Variants in TTC34 observed in about 807,000 individuals in gnomAD.
TTC34 encodes tetratricopeptide repeat domain 34, also known as tetratricopeptide repeat protein 34.
In TTC34, 44 loss-of-function variants were observed where a neutral mutation model predicts 40.7. The ratio of observed to expected loss-of-function variants is 1.08; its 90% CI spans 0.85 to 1.39. The LOEUF (loss-of-function observed/expected upper bound fraction) is 1.39, where lower values mean the gene tolerates loss of function less well. Ranked by LOEUF, TTC34 falls within the 40% of genes most tolerant of loss-of-function variation. The pLI, the probability that TTC34 is intolerant of heterozygous loss-of-function variation, is 0.00. For missense variants in TTC34, 884 were observed against 838.0 expected (o/e 1.05, Z -0.68); for synonymous variants, 422 against 398.6 (o/e 1.06, Z -0.70).
At chr1:2,672,468 C>CA in intron 6 of TTC34, among the ~76,000 whole-genome samples, 1 of 78,666 alleles carries the variant, frequency 1.3e-5, no homozygotes, top group Admixed American at 1.1e-4. Flanking sequence ...GGAGCAGCGC[C>CA]CACAGCCCCA....
intron 8 of TTC34, among the ~76,000 whole-genome samples, chr1:2,642,956 G>A (rs964007861): frequency 6.6e-6 from 1 of 152,348 alleles, no homozygotes; most frequent in Non-Finnish European, 1.5e-5. Flanking sequence ...CTCGCCTGCG[G>A]TGCGGCCCGC....
At chr1:2,683,680 G>T (rs1232231336) in intron 6 of TTC34, among the ~76,000 whole-genome samples, 1 of 146,702 alleles carries the variant, frequency 6.8e-6, no homozygotes, top group African/African-American at 2.6e-5. Flanking sequence ...GCACCCCCAG[G>T]TGACGATCTG....
chr1:2,677,833 T>C (rs1214558568), intron 6 of TTC34, among the ~76,000 whole-genome samples: 4 of 21,706 alleles, frequency 1.8e-4, no homozygotes, highest in African/African-American at 5.8e-4. Flanking sequence ...CATCTGATGG[T>C]CTGGAGCAGC....
At chr1:2,686,322 T>G (rs61763550) in intron 6 of TTC34, among the ~76,000 whole-genome samples, 47 of 112,168 alleles carry the variant, frequency 4.2e-4, no homozygotes, top group African/African-American at 1.2e-3. Flanking sequence ...CACCCACACC[T>G]CCAGGCGAGC....
chr1:2,684,930 A>G (rs1019604198), intron 6 of TTC34, among the ~76,000 whole-genome samples: 1 of 137,044 alleles, frequency 7.3e-6, no homozygotes, highest in Non-Finnish European at 1.5e-5. Context: ...CCAGGTGAGC[A>G]TCCGACAGCC....
intron 6 of TTC34, among the ~76,000 whole-genome samples, chr1:2,685,780 C>G (rs1570812030): frequency 1.4e-5 from 2 of 139,822 alleles, no homozygotes; most frequent in African/African-American, 2.8e-5. Context: ...CATCTGACAG[C>G]CTGGAACAGA....
intron 6 of TTC34, among the ~76,000 whole-genome samples, chr1:2,671,662 CGCCCACA>C (rs1639705073): frequency 6.7e-6 from 1 of 148,634 alleles, no homozygotes; most frequent in Non-Finnish European, 1.5e-5. Flanking sequence ...TCTGGAGCAG[CGCCCACA>C]ACCCCAGGCG....
At chr1:2,653,649 C>A (rs1351841957) in intron 6 of TTC34, among the ~76,000 whole-genome samples, 24 of 64,676 alleles carry the variant, frequency 3.7e-4, no homozygotes, top group Admixed American at 1.9e-3. Flanking sequence ...AGCATCCACA[C>A]CCCCAGGCGA....
intron 6 of TTC34, among the ~76,000 whole-genome samples, chr1:2,686,029 A>G (rs1258760629): frequency 1.6e-4 from 17 of 108,490 alleles, no homozygotes; most frequent in Non-Finnish European, 2.3e-4. Context: ...AGCCTGGAAC[A>G]GCACCCTGCA....
At chr1:2,685,841 C>G (rs1388713651) in intron 6 of TTC34, among the ~76,000 whole-genome samples, 1 of 132,818 alleles carries the variant, frequency 7.5e-6, no homozygotes, top group Non-Finnish European at 1.6e-5. Context: ...ACCCCCATGC[C>G]CAGGTGAGCC....
chr1:2,758,276 C>T (rs1299888773), intron 6 of TTC34, among the ~76,000 whole-genome samples: 1 of 130,388 alleles, frequency 7.7e-6, no homozygotes, highest in Non-Finnish European at 1.6e-5. Context: ...CACACACACC[C>T]CCAGGCGAGC....
At chr1:2,781,711 G>A (rs1339674881) in intron 6 of TTC34, among the ~76,000 whole-genome samples, 1 of 152,114 alleles carries the variant, frequency 6.6e-6, no homozygotes, top group Non-Finnish European at 1.5e-5. Flanking sequence ...CTAGTTTGTT[G>A]AGTATTCTTA....
rs1368451484 is a variant in TTC34 at position 2,750,094 on chromosome 1, G to A, written c.2226+33515C>T. On this transcript the variant is annotated intron_variant, in intron 6 of 8. Transcript: ENST00000401095. ...GGAGCAGCAGGCACACCCCCAGTGA[G>A]CATCTGACAGCCTGGAACAGCACCC... 3.5e-3 allele frequency among the ~76,000 whole-genome samples: 210 copies of A among 59,252 alleles called. 2 individuals are homozygous for A. Among genetic ancestry groups the A allele is most frequent in the African/African-American group, 9.0e-3 (90 of 9,974 alleles). 38.9% of individuals were successfully genotyped at this position (59,252 alleles called of 152,430 possible).
At chr1:2,695,736 T>TGG (rs1640832502) in intron 6 of TTC34, among the ~76,000 whole-genome samples, 1 of 13,892 alleles carries the variant, frequency 7.2e-5, no homozygotes, top group African/African-American at 2.8e-4. Context: ...GCAGCTGAAA[T>TGG]CCTGGAACAG....
At chr1:2,651,842 C>G (rs1284359573) in intron 6 of TTC34, among the ~76,000 whole-genome samples, 1 of 152,066 alleles carries the variant, frequency 6.6e-6, no homozygotes, top group Non-Finnish European at 1.5e-5. Flanking sequence ...ACGGTACCAC[C>G]AATTAGGTGA....
In TTC34 at chr1:2,700,067, A is replaced by T. The variant is rs1025791806; in HGVS notation, c.2227-54504T>A. 3.5e-5 allele frequency among the ~76,000 whole-genome samples: 3 copies of T among 85,694 alleles called. 1 individual carries two copies. Among genetic ancestry groups the T allele is most frequent in the Non-Finnish European group, 8.0e-5 (3 of 37,312 alleles). 56.2% of individuals were successfully genotyped at this position (85,694 alleles called of 152,430 possible). On this transcript the variant is annotated intron_variant, in intron 6 of 8. Coordinates refer to ENST00000401095, the Ensembl canonical transcript of TTC34. ...AGCGCCCACACCCAGAGGTGAGCAT[A>T]TGACCACCTGGAGCAGCACCCACAG...
intron 6 of TTC34, among the ~76,000 whole-genome samples, chr1:2,687,609 C>T (rs1267184648): frequency 6.6e-6 from 1 of 151,386 alleles, no homozygotes; most frequent in African/African-American, 2.5e-5. Flanking sequence ...ACCCACACCC[C>T]CAGGTGAGCA....
chr1:2,643,259 A>G (rs577606093), intron 8 of TTC34, among the ~76,000 whole-genome samples: 1 of 152,316 alleles, frequency 6.6e-6, no homozygotes, highest in African/African-American at 2.4e-5. Flanking sequence ...AGCGGGGCGA[A>G]ACCACTGTTG....
At chr1:2,760,531 G>T (rs1641660683) in intron 6 of TTC34, among the ~76,000 whole-genome samples, 9 of 44,498 alleles carry the variant, frequency 2.0e-4, no homozygotes, top group African/African-American at 1.4e-3. Context: ...ACACCCCCAG[G>T]TGAGCATCTG....
Sources: gnomAD v4.1 joint callset for allele counts (sites outside exome capture counted in the v4.1 genomes callset) on GRCh38, gnomAD v4.1.1 for gene constraint, MANE v1.5 for transcripts, NCBI Gene and HGNC (gene_info 2026-07-23, HGNC 2026-07-21) for gene names.